The following FLT1 variants were observed in gnomAD, a reference collection of about 807,000 sequenced individuals.
FLT1 encodes fms related receptor tyrosine kinase 1, also known as vascular endothelial growth factor receptor 1.
FLT1 carries 49 observed loss-of-function variants against 156.3 expected under a neutral mutation model. The ratio of observed to expected loss-of-function variants is 0.31; its 90% CI spans 0.25 to 0.40. The LOEUF is 0.40. FLT1 is among the 10% of genes least tolerant of loss of function. The pLI is 1.00. For synonymous variants in FLT1, 594 were observed against 583.8 expected, an observed-to-expected ratio of 1.02 and a Z score of -0.25; for missense variants, 1,322 against 1,637.2, an observed-to-expected ratio of 0.81 and a Z score of 3.32.
At position 28,479,129 on chromosome 13, in the gene FLT1, A is replaced by T. The variant is rs77180845; in HGVS notation, c.65-11512T>A. On this transcript the variant is annotated intron_variant, in intron 1 of 29. Coordinates refer to ENST00000282397, the MANE Select transcript of FLT1 (RefSeq NM_002019.4). ...ACCCACTAACAGGAAAGTTGAGAAG[A>T]TCTCTATCTTTGCAACCAATAATAT... Among the ~76,000 whole-genome samples, 989 of 152,302 alleles carry T rather than the reference A, an allele frequency of 6.5e-3. 13 individuals carry two copies. The highest frequency in any genetic ancestry group is 0.022 in the African/African-American group (921 of 41,562).
intron 1 of FLT1, among the ~76,000 whole-genome samples, chr13:28,469,427 G>A (rs188380007): frequency 2.0e-5 from 3 of 152,304 alleles, no homozygotes; most frequent in East Asian, 3.9e-4. Context: ...GAAGATCTGC[G>A]TTTGAGGCTT....
chr13:28,478,888 C>T (rs1880692517), intron 1 of FLT1, among the ~76,000 whole-genome samples: 1 of 152,148 alleles, frequency 6.6e-6, no homozygotes, highest in South Asian at 2.1e-4. Context: ...CTCATGCAGA[C>T]TTTCAGCTTC....
intron 10 of FLT1, among the ~76,000 whole-genome samples, chr13:28,408,634 G>A (rs190115114): frequency 2.6e-5 from 4 of 152,266 alleles, no homozygotes; most frequent in Middle Eastern, 3.4e-3. Flanking sequence ...CTGTCTTGAG[G>A]GGGGAGGAAG....
At position 28,300,764 on chromosome 13, in the gene FLT1, G is replaced by A. The variant is rs571122200; in HGVS notation, c.*2403C>T. On this transcript the variant is annotated 3_prime_UTR_variant, in exon 30 of 30. Transcript: ENST00000282397. Reference sequence around the variant, plus strand: ...CCCCATTCCACCCAGACTGTTCCACGTACATTATCTCAGAAACTCTGAAAG... The same window carrying A: ...CCCCATTCCACCCAGACTGTTCCACATACATTATCTCAGAAACTCTGAAAG... The A allele has an allele frequency of 1.2e-4, 28 of 233,158 alleles. No individual in the cohort carries two copies. Among genetic ancestry groups the A allele is most frequent in the African/African-American group, 2.6e-4 (12 of 45,418 alleles). 14.4% of individuals were successfully genotyped at this position (233,158 alleles called of 1,614,324 possible).
At chr13:28,361,538 A>G (rs1319256526) in intron 14 of FLT1, among the ~76,000 whole-genome samples, 2 of 152,196 alleles carry the variant, frequency 1.3e-5, no homozygotes, top group African/African-American at 4.8e-5. Flanking sequence ...TCAACAGATT[A>G]AGGTATTAGA....
chr13:28,474,271 C>T (rs1423895478), intron 1 of FLT1, among the ~76,000 whole-genome samples: 1 of 152,022 alleles, frequency 6.6e-6, no homozygotes, highest in African/African-American at 2.4e-5. Context: ...GTTTGAACAA[C>T]ATGGTGAAAT....
chr13:28,321,066 C>T (rs1218347917), intron 23 of FLT1, among the ~76,000 whole-genome samples: 1 of 152,186 alleles, frequency 6.6e-6, no homozygotes, highest in South Asian at 2.1e-4. Flanking sequence ...GAGACAGATA[C>T]ACCTGCTGAA....
chr13:28,488,635 G>A (rs1881305108), intron 1 of FLT1, among the ~76,000 whole-genome samples: 3 of 152,162 alleles, frequency 2.0e-5, no homozygotes, highest in Admixed American at 2.0e-4. Context: ...GGCCGGGATG[G>A]GGGTGAGGAT....
intron 5 of FLT1, 34 bp downstream of exon 5, chr13:28,434,024 C>T (rs573347578): frequency 1.5e-5 from 24 of 1,613,930 alleles, no homozygotes; most frequent in Admixed American, 1.0e-4. Context: ...CAGAGCACTT[C>T]GGCTTATGTT....
intron 14 of FLT1, among the ~76,000 whole-genome samples, chr13:28,360,330 AC>A (rs1234801046): frequency 2.0e-5 from 3 of 152,194 alleles, no homozygotes; most frequent in Admixed American, 6.5e-5. Context: ...CAATCCCACT[AC>A]TGGGTATCTA....
intron 17 of FLT1, 37 bp from the exon 18 acceptor site, chr13:28,334,166 G>C (rs1327304265): frequency 7.5e-7 from 1 of 1,340,564 alleles, no homozygotes; most frequent in African/African-American, 1.4e-5. Context: ...GTTTGCCGAG[G>C]CAATAGGGTG....
At chr13:28,368,027 G>A (rs1034986774) in intron 14 of FLT1, 2 of 312,138 alleles carry the variant, frequency 6.4e-6, no homozygotes, top group African/African-American at 4.5e-5. Context: ...CAAAGGTGAG[G>A]ATTATGTGTT....
intron 1 of FLT1, among the ~76,000 whole-genome samples, chr13:28,476,030 A>G (rs1400337108): frequency 6.6e-6 from 1 of 152,216 alleles, no homozygotes; most frequent in Non-Finnish European, 1.5e-5. Context: ...AATGATACTA[A>G]TTTTTAAAAT....
rs999109202 is a variant in FLT1 at position 28,321,316 on chromosome 13, G to A, written c.3174+147C>T. The A allele has an allele frequency of 4.1e-6, 4 of 976,566 alleles. No individual in the cohort carries two copies. The East Asian group carries it at 7.2e-5, about 18-fold the overall frequency. The allele number at this position is 976,566 out of a possible 1,614,324, so 60.5% of individuals were successfully genotyped here. On this transcript the variant is annotated intron_variant, in intron 23 of 29. Coordinates refer to ENST00000282397, the MANE Select transcript of FLT1 (RefSeq NM_002019.4). ...TGAGCCTTACACAAGGGCTCTCTGG[G>A]ATGCCGCTCATCTGGACTGTTTGTC...
chr13:28,412,338 C>CTTTCTTTCTTTCTTTCTTTCTTTCT lies in FLT1; in HGVS notation c.1437-6445_1437-6444insAGAAAGAAAGAAAGAAAGAAAGAAA, dbSNP rs1469691863. On this transcript the variant is annotated intron_variant, in intron 10 of 29. Transcript: ENST00000282397. ...CTTTCTTTCTTTCTTTCTTTTCTTTCTTTCTTTCTTTCTCTTTCTTTCTTT... is the reference window on the plus strand; with the variant it reads ...CTTTCTTTCTTTCTTTCTTTTCTTTCTTTCTTTCTTTCTTTCTTTCTTTCTTTTCTTTCTTTCTCTTTCTTTCTTT... 1.3e-4 allele frequency among the ~76,000 whole-genome samples: 10 copies of CTTTCTTTCTTTCTTTCTTTCTTTCT among 77,794 alleles called. 1 individual carries two copies. The East Asian group carries it at 3.0e-3, about 23-fold the overall frequency. 51.0% of individuals were successfully genotyped at this position (77,794 alleles called of 152,430 possible). A position where few individuals can be genotyped will look rare whatever the true frequency, so the allele number is the denominator to read the frequency against.
At chr13:28,488,480 AAAAC>A (rs35434341) in intron 1 of FLT1, among the ~76,000 whole-genome samples, 5 of 151,298 alleles carry the variant, frequency 3.3e-5, no homozygotes, top group Non-Finnish European at 5.9e-5. Context: ...TTTTAATGAA[AAAAC>A]AAACAAACAA....
At chr13:28,470,940 C>G (rs1216265007) in intron 1 of FLT1, among the ~76,000 whole-genome samples, 1 of 152,144 alleles carries the variant, frequency 6.6e-6, no homozygotes, top group East Asian at 1.9e-4. Flanking sequence ...ATCCGCCCAC[C>G]TCGGCTTCCC....
intron 25 of FLT1, among the ~76,000 whole-genome samples, chr13:28,312,511 T>C (rs1299613728): frequency 2.8e-5 from 4 of 143,786 alleles, no homozygotes; most frequent in South Asian, 2.2e-4. Context: ...TCCTTAAAGT[T>C]AAAAAAAAAA....
intron 14 of FLT1, among the ~76,000 whole-genome samples, chr13:28,368,851 C>G (rs1177124289): frequency 6.6e-6 from 1 of 151,562 alleles, no homozygotes; most frequent in Non-Finnish European, 1.5e-5. Flanking sequence ...ATTACAGGTG[C>G]CCACCACCAT....
Sources: allele counts gnomAD v4.1 joint callset (sites outside exome capture counted in the v4.1 genomes callset), GRCh38; gene constraint gnomAD v4.1.1; transcripts MANE v1.5; gene names NCBI Gene and HGNC (gene_info 2026-07-23, HGNC 2026-07-21).